Variants in AKAP9 observed in about 807,000 individuals in gnomAD.
AKAP9 encodes A-kinase anchor protein 9.
A neutral mutation model predicts 488.5 loss-of-function variants in AKAP9; 311 were observed. The ratio of observed to expected loss-of-function variants is 0.64; its 90% confidence interval spans 0.58 to 0.70. The LOEUF (loss-of-function observed/expected upper bound fraction) is 0.70. AKAP9 is among the 30% of genes least tolerant of loss of function. The pLI, the probability that AKAP9 is intolerant of heterozygous loss-of-function variation, is 0.00. For synonymous variants in AKAP9, 1,462 were observed against 1,483.5 expected, an observed-to-expected ratio of 0.99 and a Z score of 0.33; for missense variants, 4,215 against 4,374.5, an observed-to-expected ratio of 0.96 and a Z score of 1.03.
chr7:92,039,145 C>T (rs1337073758), intron 17 of AKAP9, among the ~76,000 whole-genome samples: 1 of 152,160 alleles, frequency 6.6e-6, no homozygotes, highest in African/African-American at 2.4e-5. Flanking sequence ...ACCTTGTGAT[C>T]TACCCTCCTC....
At chr7:92,039,602 T>A (rs1213410631) in intron 17 of AKAP9, among the ~76,000 whole-genome samples, 1 of 152,222 alleles carries the variant, frequency 6.6e-6, no homozygotes, top group Non-Finnish European at 1.5e-5. Context: ...TCCTACTTCT[T>A]TTAACATTAT....
chr7:91,978,658 G>A lies in AKAP9; in HGVS notation c.307-1631G>A, dbSNP rs371946174. Among the ~76,000 whole-genome samples, 5 of 152,038 alleles carry A rather than the reference G, an allele frequency of 3.3e-5. 1 individual carries two copies. Among genetic ancestry groups the A allele is most frequent in the African/African-American group, 2.4e-5 (1 of 41,468 alleles). ...ACTGTAAAGGTGTTATAACAAAAGT[G>A]GTTATTTTTTCTTTAGTTATTACTT... On this transcript the variant is annotated intron_variant, in intron 2 of 49. Transcript: ENST00000356239.
intron 3 of AKAP9, among the ~76,000 whole-genome samples, chr7:91,985,074 C>T (rs1454890335): frequency 3.3e-5 from 5 of 152,322 alleles, no homozygotes; most frequent in Admixed American, 6.5e-5. Context: ...GACGATTTGA[C>T]TTCCTCTTTT....
chr7:92,086,389 C>T lies in AKAP9; in HGVS notation c.9186C>T (p.Asn3062=), dbSNP rs1365389695. Residue 3062 remains asparagine, a synonymous_variant, in exon 37 of 50, where the codon AAC becomes AAT. Coordinates refer to ENST00000356239, the MANE Select transcript of AKAP9 (RefSeq NM_005751.5). ...CTACAGATGCAGTTGGTTTACTAAA[C>T]TGTTTGGAACAGAGAATACAAGAAC... ...LGTTDAVGLL[N]CLEQRIQEQG... 4 of 1,613,854 alleles carry T rather than the reference C, an allele frequency of 2.5e-6. No individual in the cohort carries two copies. The highest frequency in any genetic ancestry group is 1.6e-4 in the Middle Eastern group (1 of 6,062).
chr7:91,979,815 A>G (rs1022815119), intron 2 of AKAP9, among the ~76,000 whole-genome samples: 3 of 152,248 alleles, frequency 2.0e-5, no homozygotes, highest in Non-Finnish European at 2.9e-5. Context: ...TGGATGGGAC[A>G]GAGTAAGATT....
chr7:92,102,448 TTACTACTACTAC>T lies in AKAP9; in HGVS notation c.11098-115_11098-104del, dbSNP rs11276778. ...GTGATAGGAACCTGCCGTTTTACTA[TTACTACTACTAC>T]TACTACTACTACTACTACTACTACT... On this transcript the variant is annotated intron_variant, in intron 45 of 49. Coordinates refer to ENST00000356239, the MANE Select transcript of AKAP9 (RefSeq NM_005751.5). 1,321 of 593,798 alleles carry T rather than the reference TTACTACTACTAC, an allele frequency of 2.2e-3. 4 individuals carry two copies. Among genetic ancestry groups the T allele is most frequent in the African/African-American group, 0.011 (594 of 52,530 alleles). 36.8% of individuals were successfully genotyped at this position (593,798 alleles called of 1,614,324 possible).
rs576155671 is a variant in AKAP9, at chr7:91,991,870, T to C, written c.352-288T>C. On this transcript the variant is annotated intron_variant, in intron 3 of 49. Transcript: ENST00000356239. The stretch of plus-strand genomic sequence containing the variant: ...AAGAGATTTTATTGAGGTTTATACT[T>C]CTGAAGAGCAAACAGAAACTGCACT... 2.0e-5 allele frequency among the ~76,000 whole-genome samples: 3 copies of C among 152,324 alleles called. No homozygotes were observed. The South Asian group carries it at 6.2e-4, about 32-fold the overall frequency.
chr7:91,952,484 A>G (rs533585826), intron 1 of AKAP9, among the ~76,000 whole-genome samples: 1 of 152,334 alleles, frequency 6.6e-6, no homozygotes, highest in South Asian at 2.1e-4. Context: ...CTTGGCAGTT[A>G]GGGAAGGCTT....
chr7:92,024,010 C>T (rs1210853399), intron 14 of AKAP9, among the ~76,000 whole-genome samples: 1 of 152,072 alleles, frequency 6.6e-6, no homozygotes, highest in Non-Finnish European at 1.5e-5. Context: ...TTAAAATTGT[C>T]TCCTAGAATG....
intron 9 of AKAP9, among the ~76,000 whole-genome samples, chr7:92,013,438 T>G (rs1482103775): frequency 6.6e-6 from 1 of 152,140 alleles, no homozygotes; most frequent in East Asian, 1.9e-4. Context: ...TAGAAAAAGT[T>G]TTATTCTGAA....
Position 92,001,041 on chromosome 7 carries a change from A to C in AKAP9, c.1124A>C (p.Asn375Thr). ...QIVQKNQEIK[N>T]MKLELTNSKQ... ...GTGCAAAAGAACCAAGAAATAAAAA[A>C]CATGAAATTAGAGCTGACTAATTCT... The change falls in exon 8 of 50, where the codon AAC becomes ACC. Residue 375 changes from asparagine to threonine, a missense_variant. This residue lies in a region of AKAP9 where 2,361 missense variants were observed against 2,430.0 expected (regional missense o/e 0.97). Transcript: ENST00000356239. The C allele has an allele frequency of 3.1e-6, 5 of 1,594,950 alleles. No homozygotes were observed. The highest frequency in any genetic ancestry group is 4.3e-6 in the Non-Finnish European group (5 of 1,171,770).
At chr7:92,074,927 G>C (rs775318480) in intron 28 of AKAP9, among the ~76,000 whole-genome samples, 11 of 152,066 alleles carry the variant, frequency 7.2e-5, no homozygotes, top group Admixed American at 5.2e-4. Flanking sequence ...GGATTGATGG[G>C]TGCAGCAAAC....
At chr7:92,009,393 A>G (rs1389253171) in intron 8 of AKAP9, among the ~76,000 whole-genome samples, 1 of 152,240 alleles carries the variant, frequency 6.6e-6, no homozygotes, top group Admixed American at 6.5e-5. Flanking sequence ...TTCTGGAAGA[A>G]TATAAACTAC....
intron 14 of AKAP9, among the ~76,000 whole-genome samples, chr7:92,027,149 T>C (rs1170198645): frequency 2.8e-5 from 4 of 144,286 alleles, no homozygotes; most frequent in African/African-American, 1.1e-4. Flanking sequence ...ATCTAGGAAG[T>C]GAGGAGCGCC....
In AKAP9 at chr7:92,002,445, T is replaced by C; in HGVS notation, c.2528T>C (p.Ile843Thr). 1 of 1,608,926 alleles carries C rather than the reference T, an allele frequency of 6.2e-7. No homozygotes were observed. The highest frequency in any genetic ancestry group is 1.1e-5 in the South Asian group (1 of 89,294). Residue 843 changes from isoleucine (I) to threonine (T), a missense_variant, in exon 8 of 50, where the codon ATT becomes ACT. By Grantham distance (89) the Ile-to-Thr change is moderately conservative. Transcript: ENST00000356239. ...CAATGTATTCAGCTAAATGAAGAGA[T>C]TGAAAAGCAAAGGAACACTTTTTCA... is the stretch of plus-strand genomic sequence containing the variant. ...KQQCIQLNEE[I>T]EKQRNTFSFA...
intron 16 of AKAP9, among the ~76,000 whole-genome samples, chr7:92,032,194 T>A (rs1435553762): frequency 6.6e-6 from 1 of 152,160 alleles, no homozygotes; most frequent in Admixed American, 6.6e-5. Flanking sequence ...GTATACCTGA[T>A]TGGCTTTTAA....
intron 3 of AKAP9, among the ~76,000 whole-genome samples, chr7:91,980,784 G>T (rs1584687250): frequency 1.3e-5 from 2 of 151,928 alleles, no homozygotes; most frequent in Admixed American, 1.3e-4. Flanking sequence ...TACTTTAGGT[G>T]ATAAAGGTAT....
At chr7:92,014,399 G>A (rs1801213262) in intron 10 of AKAP9, 71 bp downstream of exon 10, 1 of 1,130,388 alleles carries the variant, frequency 8.8e-7, no homozygotes, top group South Asian at 1.3e-5. Flanking sequence ...ACTTTGGGAG[G>A]CTGAGGTGGT....
At chr7:92,062,161 T>C in intron 23 of AKAP9, 113 bp from the exon 24 acceptor site, 1 of 922,336 alleles carries the variant, frequency 1.1e-6, no homozygotes, top group Non-Finnish European at 1.7e-6. Flanking sequence ...TTTTAATAGG[T>C]TGGAATGATG....
Sources: gnomAD v4.1 joint callset for allele counts (sites outside exome capture counted in the v4.1 genomes callset) on GRCh38, gnomAD v4.1.1 for gene constraint, gnomAD v4.1.1 regional missense constraint, MANE v1.5 for transcripts, NCBI Gene and HGNC (gene_info 2026-07-23, HGNC 2026-07-21) for gene names.